Variants in MAST4 observed in about 807,000 individuals in gnomAD.
MAST4 encodes microtubule-associated serine/threonine-protein kinase 4.
In MAST4, 89 loss-of-function variants were observed where a neutral mutation model predicts 162.7. That is an observed-to-expected ratio of 0.55 (90% CI 0.46 to 0.65). MAST4 has a LOEUF of 0.65. Among genes scored for constraint, MAST4 ranks in the 30% least tolerant of loss-of-function variants. MAST4 has a pLI of 0.00. For missense variants in MAST4, 3,153 were observed against 3,374.0 expected (o/e 0.93, Z 1.62); for synonymous variants, 1,479 against 1,361.1 (o/e 1.09, Z -1.91).
At chr5:67,124,050 T>C (rs1767896972) in intron 14 of MAST4, among the ~76,000 whole-genome samples, 1 of 152,232 alleles carries the variant, frequency 6.6e-6, no homozygotes, top group Non-Finnish European at 1.5e-5. Flanking sequence ...TCATGCTCGC[T>C]ATAGGGCTGA....
At chr5:66,729,159 T>C (rs955986340) in intron 1 of MAST4, among the ~76,000 whole-genome samples, 12 of 152,346 alleles carry the variant, frequency 7.9e-5, no homozygotes, top group Non-Finnish European at 1.3e-4. Context: ...GTGTGTTTTA[T>C]GTCAGTGAAT....
At position 66,848,945 on chromosome 5, in the gene MAST4, G is replaced by A. The variant is rs560347338; in HGVS notation, c.643-51006G>A. Among the ~76,000 whole-genome samples the A allele has an allele frequency of 4.6e-5, 7 of 152,282 alleles. No individual in the cohort carries two copies. The East Asian group carries it at 7.7e-4, about 17-fold the overall frequency. ...TGGAGAGGATTGCCTTTTATGCTGC[G>A]TTCCCCAGCGTTATGCTCTTCCTGC... On this transcript the variant is annotated intron_variant, in intron 3 of 28. Transcript: ENST00000403625.
rs1436828511 is a variant in MAST4 at position 67,151,877 on chromosome 5, CTCACCTCAG to C, written c.3296-757_3296-749del. On this transcript the variant is annotated intron_variant, in intron 24 of 28. Coordinates refer to ENST00000403625, the MANE Select transcript of MAST4 (RefSeq NM_001164664.2). ...CGACCTCCCAGGCTTAGGTGATCCT[CTCACCTCAG>C]TCTCCCACGTAGCTGGGACTACAGG... 2.0e-5 allele frequency among the ~76,000 whole-genome samples: 3 copies of C among 150,586 alleles called. No homozygotes were observed. The East Asian group carries it at 5.9e-4, about 30-fold the overall frequency.
intron 3 of MAST4, among the ~76,000 whole-genome samples, chr5:66,866,134 A>G (rs180696033): frequency 6.6e-6 from 1 of 151,892 alleles, no homozygotes; most frequent in Non-Finnish European, 1.5e-5. Flanking sequence ...TGCGAAAAGT[A>G]TTGGCAAGTA....
At chr5:67,073,181 A>G (rs1761182491) in intron 5 of MAST4, among the ~76,000 whole-genome samples, 1 of 152,162 alleles carries the variant, frequency 6.6e-6, no homozygotes, top group South Asian at 2.1e-4. Context: ...CACCCAGCCC[A>G]CACCATGGCA....
rs548192929 is a variant in MAST4, at chr5:66,753,264, A to T, written c.364-6445A>T. On this transcript the variant is annotated intron_variant, in intron 1 of 28. Transcript: ENST00000403625. ...GAACTAGAAAAGCAAGAGCAAACAC[A>T]TTCAAAAGCTAGCAGAAGGCAAGAA... is the stretch of plus-strand genomic sequence containing the variant. Among the ~76,000 whole-genome samples the T allele has an allele frequency of 1.1e-4, 17 of 152,312 alleles. No individual in the cohort carries two copies. In the South Asian group the frequency reaches 1.2e-3, roughly 11 times the overall value.
intron 4 of MAST4, among the ~76,000 whole-genome samples, chr5:66,954,309 ATTTTC>A (rs1402691946): frequency 6.6e-6 from 1 of 151,746 alleles, no homozygotes; most frequent in East Asian, 1.9e-4. Context: ...CCAATTCTCC[ATTTTC>A]TTAAGACCAC....
chr5:66,831,640 A>G (rs1305495063), intron 3 of MAST4, among the ~76,000 whole-genome samples: 3 of 152,234 alleles, frequency 2.0e-5, no homozygotes, highest in Admixed American at 2.0e-4. Context: ...TGGCAGCACA[A>G]CTGAGTTGTT....
At chr5:66,656,286 A>G (rs1391589560) in intron 1 of MAST4, among the ~76,000 whole-genome samples, 1 of 152,194 alleles carries the variant, frequency 6.6e-6, no homozygotes, top group Non-Finnish European at 1.5e-5. Flanking sequence ...AATAATATAA[A>G]TGTTGTCTCC....
At chr5:66,796,101 CCCAT>C (rs1207085728) in intron 3 of MAST4, among the ~76,000 whole-genome samples, 2 of 152,144 alleles carry the variant, frequency 1.3e-5, no homozygotes, top group Non-Finnish European at 2.9e-5. Context: ...CTCACCTGAG[CCCAT>C]CCACAGAGTA....
chr5:67,111,906 CATAGT>C (rs2150909160), intron 11 of MAST4, among the ~76,000 whole-genome samples: 1 of 152,274 alleles, frequency 6.6e-6, no homozygotes, highest in Admixed American at 6.5e-5. Flanking sequence ...ACTGGAGTTT[CATAGT>C]ATTAGGGGAT....
At chr5:66,870,143 G>C (rs1455035310) in intron 3 of MAST4, among the ~76,000 whole-genome samples, 2 of 152,192 alleles carry the variant, frequency 1.3e-5, no homozygotes, top group Non-Finnish European at 2.9e-5. Flanking sequence ...GGTCTTAGGA[G>C]AGACCACTCT....
At chr5:66,843,258 A>T (rs1488239641) in intron 3 of MAST4, among the ~76,000 whole-genome samples, 1 of 152,178 alleles carries the variant, frequency 6.6e-6, no homozygotes, top group African/African-American at 2.4e-5. Flanking sequence ...AGTGGTCCTG[A>T]AACAGAATAC....
chr5:67,030,607 T>G (rs937632281), intron 4 of MAST4, among the ~76,000 whole-genome samples: 1 of 152,184 alleles, frequency 6.6e-6, no homozygotes, highest in Non-Finnish European at 1.5e-5. Flanking sequence ...ATCTGTTTTG[T>G]ATTAGTAATG....
chr5:66,681,929 G>A (rs1446253496), intron 1 of MAST4, among the ~76,000 whole-genome samples: 1 of 152,190 alleles, frequency 6.6e-6, no homozygotes, highest in Non-Finnish European at 1.5e-5. Flanking sequence ...TATTTGGGGG[G>A]TGGGTGACCA....
intron 4 of MAST4, among the ~76,000 whole-genome samples, chr5:66,922,167 A>G (rs966289654): frequency 6.6e-6 from 1 of 152,190 alleles, no homozygotes; most frequent in Non-Finnish European, 1.5e-5. Flanking sequence ...CTTTTGGAGT[A>G]TGGATCCACT....
chr5:66,727,057 G>T (rs915324431), intron 1 of MAST4, among the ~76,000 whole-genome samples: 9 of 152,140 alleles, frequency 5.9e-5, no homozygotes, highest in East Asian at 1.9e-4. Context: ...ACAGGGAGGG[G>T]AACATAGTGG....
At chr5:66,794,096 T>G (rs1387746279) in intron 3 of MAST4, among the ~76,000 whole-genome samples, 2 of 152,260 alleles carry the variant, frequency 1.3e-5, no homozygotes, top group Non-Finnish European at 2.9e-5. Context: ...GGTTTTGTTT[T>G]TAATCTGTGA....
At chr5:66,980,651 G>A (rs1205645720) in intron 4 of MAST4, among the ~76,000 whole-genome samples, 1 of 152,190 alleles carries the variant, frequency 6.6e-6, no homozygotes, top group Non-Finnish European at 1.5e-5. Context: ...AACAAAGAAG[G>A]TTGTAAGTTC....
Sources: gnomAD v4.1 joint callset for allele counts (sites outside exome capture counted in the v4.1 genomes callset) on GRCh38, gnomAD v4.1.1 for gene constraint, MANE v1.5 for transcripts, NCBI Gene and HGNC (gene_info 2026-07-23, HGNC 2026-07-21) for gene names.